Variants in CDH4 observed in about 807,000 individuals in gnomAD.
CDH4 encodes cadherin-4.
Under a neutral mutation model 86.0 loss-of-function variants are expected in CDH4, and 33 were observed. That is an observed-to-expected ratio of 0.38 (90% CI 0.29 to 0.51). The LOEUF is 0.51. Among genes scored for constraint, CDH4 ranks in the 20% least tolerant of loss-of-function variants. The pLI, the probability that CDH4 is intolerant of heterozygous loss-of-function variation, is 0.86. For missense variants in CDH4, 1,114 were observed against 1,307.4 expected (o/e 0.85, Z 2.28); for synonymous variants, 555 against 549.4 (o/e 1.01, Z -0.14).
intron 7 of CDH4, among the ~76,000 whole-genome samples, chr20:61,889,487 AG>A (rs2122848812): frequency 8.5e-6 from 1 of 117,834 alleles, no homozygotes; most frequent in South Asian, 2.8e-4. Flanking sequence ...TGGATGAGTG[AG>A]TGGATGATGG....
intron 2 of CDH4, among the ~76,000 whole-genome samples, chr20:61,390,488 A>G (rs1387740588): frequency 6.8e-6 from 1 of 146,210 alleles, no homozygotes. Flanking sequence ...TAGGGTGCCC[A>G]TAGTGCCGTG....
At position 61,510,151 on chromosome 20, in the gene CDH4, T is replaced by C. The variant is rs150495321; in HGVS notation, c.170-233412T>C. ...CATTTAAAGTTGTTTGAAAATCTGA[T>C]CAGAAAGAGCTTCAACCCGGAAATT... On this transcript the variant is annotated intron_variant, in intron 2 of 15. Transcript: ENST00000614565. This position sits in a 1 kb window ranked among gnomAD's most constrained non-coding sequence, Gnocchi z 4.2. Among the ~76,000 whole-genome samples, 626 of 152,292 alleles carry C rather than the reference T, an allele frequency of 4.1e-3. 2 individuals are homozygous for C. The highest frequency in any genetic ancestry group is 7.8e-3 in the Admixed American group (119 of 15,294).
At chr20:61,446,317 G>A (rs890207876) in intron 2 of CDH4, among the ~76,000 whole-genome samples, 3 of 152,130 alleles carry the variant, frequency 2.0e-5, no homozygotes, top group Non-Finnish European at 4.4e-5. Context: ...GTGCAAAAAT[G>A]TACATAAATA....
At chr20:61,720,126 G>C (rs2145911212) in intron 2 of CDH4, among the ~76,000 whole-genome samples, 1 of 152,162 alleles carries the variant, frequency 6.6e-6, no homozygotes, top group East Asian at 1.9e-4. Context: ...CATCGCCCGT[G>C]TGTCTGCAGG....
At chr20:61,422,900 C>T (rs2085187955) in intron 2 of CDH4, among the ~76,000 whole-genome samples, 1 of 152,140 alleles carries the variant, frequency 6.6e-6, no homozygotes, top group Non-Finnish European at 1.5e-5. Context: ...TGTCAGGTGT[C>T]AGGTGTCAAT....
chr20:61,658,558 A>G (rs2145827982), intron 2 of CDH4, among the ~76,000 whole-genome samples: 2 of 152,258 alleles, frequency 1.3e-5, no homozygotes, highest in Middle Eastern at 6.8e-3. Context: ...GAGTACCTGC[A>G]AGGAGCAAAG....
intron 2 of CDH4, among the ~76,000 whole-genome samples, chr20:61,348,975 AGGGCTTCT>A: frequency 6.6e-6 from 1 of 152,350 alleles, no homozygotes; most frequent in East Asian, 1.9e-4. Flanking sequence ...CTGGCTGCCC[AGGGCTTCT>A]GGGAATAACA....
intron 2 of CDH4, among the ~76,000 whole-genome samples, chr20:61,585,991 A>ATGG (rs1247972031): frequency 1.4e-3 from 201 of 139,434 alleles, no homozygotes; most frequent in African/African-American, 4.9e-3. Flanking sequence ...GATGATGGTG[A>ATGG]TGATGATGAT....
chr20:61,584,417 C>G (rs1209573692), intron 2 of CDH4, among the ~76,000 whole-genome samples: 1 of 152,208 alleles, frequency 6.6e-6, no homozygotes, highest in East Asian at 1.9e-4. Context: ...TCATCCCAGA[C>G]CGCATGCATT....
intron 2 of CDH4, among the ~76,000 whole-genome samples, chr20:61,397,003 C>G (rs2085021213): frequency 6.6e-6 from 1 of 152,142 alleles, no homozygotes; most frequent in African/African-American, 2.4e-5. Context: ...TTCGACTTCC[C>G]AGGCCCAAGC....
chr20:61,342,685 C>G (rs2084655166), intron 2 of CDH4, among the ~76,000 whole-genome samples: 1 of 152,210 alleles, frequency 6.6e-6, no homozygotes, highest in African/African-American at 2.4e-5. Context: ...CCGACTCAGA[C>G]CATTCATTCT....
chr20:61,336,060 G>A (rs2084615333), intron 2 of CDH4, among the ~76,000 whole-genome samples: 1 of 152,134 alleles, frequency 6.6e-6, no homozygotes, highest in African/African-American at 2.4e-5. Flanking sequence ...TTTCGATACT[G>A]TGGGGGAGAA....
At position 61,705,973 on chromosome 20, in the gene CDH4, C is replaced by T. The variant is rs533563826; in HGVS notation, c.170-37590C>T. On this transcript the variant is annotated intron_variant, in intron 2 of 15. Coordinates refer to ENST00000614565, the MANE Select transcript of CDH4 (RefSeq NM_001794.5). ...CCACGCCGCTTCCTTCTCTTAAAGGCGCCTGTGGATTTCTCCCCCACGGGT... is the reference window on the plus strand; with the variant it reads ...CCACGCCGCTTCCTTCTCTTAAAGGTGCCTGTGGATTTCTCCCCCACGGGT... Among the ~76,000 whole-genome samples the T allele has an allele frequency of 7.9e-4, 121 of 152,330 alleles. 1 individual carries two copies. In the Middle Eastern group the frequency reaches 0.01, roughly 13 times the overall value.
At chr20:61,916,812 C>T (rs896881730) in intron 9 of CDH4, among the ~76,000 whole-genome samples, 1 of 152,244 alleles carries the variant, frequency 6.6e-6, no homozygotes, top group Admixed American at 6.5e-5. Context: ...AGCCCCAAAT[C>T]CAGCAATGCA....
chr20:61,538,694 T>A (rs889377534), intron 2 of CDH4, among the ~76,000 whole-genome samples: 2 of 152,048 alleles, frequency 1.3e-5, no homozygotes, highest in Non-Finnish European at 2.9e-5. Flanking sequence ...GGAGGGTGGA[T>A]GGGACACTTG....
At chr20:61,800,693 G>C (rs535373810) in intron 4 of CDH4, among the ~76,000 whole-genome samples, 14 of 152,230 alleles carry the variant, frequency 9.2e-5, no homozygotes, top group Non-Finnish European at 1.6e-4. Context: ...AGTGCTGGCA[G>C]TGCCCGGCTC....
chr20:61,403,197 A>G (rs1486520924), intron 2 of CDH4, among the ~76,000 whole-genome samples: 3 of 152,230 alleles, frequency 2.0e-5, no homozygotes, highest in African/African-American at 7.2e-5. Context: ...CTACACATGT[A>G]CACAGCAGAA....
In CDH4 at chr20:61,676,209, G is replaced by A. The variant is rs1056196910; in HGVS notation, c.170-67354G>A. On this transcript the variant is annotated intron_variant, in intron 2 of 15. Transcript: ENST00000614565. This position sits in a 1 kb window ranked among gnomAD's most constrained non-coding sequence, Gnocchi z 4.5. The stretch of plus-strand genomic sequence containing the variant: ...CCTTCCGTCATTCCCATTAACATTC[G>A]CCTGGTGTCAGGAACGGTCAGGAAC... Among the ~76,000 whole-genome samples the A allele has an allele frequency of 1.3e-5, 2 of 152,174 alleles. No homozygotes were observed. The highest frequency in any genetic ancestry group is 6.5e-5 in the Admixed American group (1 of 15,284).
chr20:61,299,796 G>A (rs77719721), intron 2 of CDH4, among the ~76,000 whole-genome samples: 4,098 of 152,260 alleles, frequency 0.027, 138 homozygotes, highest in East Asian at 0.13. Context: ...TGCAGATGAG[G>A]AGGACTAGCG....
Sources: allele counts gnomAD v4.1 joint callset (sites outside exome capture counted in the v4.1 genomes callset), GRCh38; gene constraint gnomAD v4.1.1; non-coding constraint Gnocchi (gnomAD v3.1); transcripts MANE v1.5; gene names NCBI Gene and HGNC (gene_info 2026-07-23, HGNC 2026-07-21).